Variants in STK17A observed in about 807,000 individuals in gnomAD.
STK17A encodes serine/threonine kinase 17a, also known as serine/threonine-protein kinase 17A.
In STK17A, 26 loss-of-function variants were observed where a neutral mutation model predicts 43.7. The observed-to-expected ratio is 0.60, with a 90% CI of 0.44 to 0.83. The LOEUF (loss-of-function observed/expected upper bound fraction) is 0.83. Among genes scored for constraint, STK17A ranks in the 40% least tolerant of loss-of-function variants. The pLI is 0.00. For synonymous variants in STK17A, 191 were observed against 182.5 expected (o/e 1.05, Z -0.38); for missense variants, 476 against 511.6 (o/e 0.93, Z 0.67).
chr7:43,625,849 A>G lies in STK17A; in HGVS notation c.*1007A>G, dbSNP rs1479168518. On this transcript the variant is annotated 3_prime_UTR_variant, in exon 7 of 7. Transcript: ENST00000319357. ...CCCTCAAGCTATGCTAGGAAAAGTT[A>G]TAAAATGCCAAAATATTTATAAACA... The G allele has an allele frequency of 6.6e-6, 1 of 152,192 alleles. No individual in the cohort carries two copies. Among genetic ancestry groups the G allele is most frequent in the Non-Finnish European group, 1.5e-5 (1 of 68,036 alleles). 9.4% of individuals were successfully genotyped at this position (152,192 alleles called of 1,614,324 possible). A position where few individuals can be genotyped will look rare whatever the true frequency, so the allele number is the denominator to read the frequency against.
At chr7:43,600,089 A>G (rs1306740185) in intron 2 of STK17A, among the ~76,000 whole-genome samples, 1 of 152,180 alleles carries the variant, frequency 6.6e-6, no homozygotes, top group African/African-American at 2.4e-5. Flanking sequence ...GACACGCCCA[A>G]AATAATACTT....
chr7:43,617,026 G>C (rs2083418010), intron 3 of STK17A, among the ~76,000 whole-genome samples: 1 of 152,180 alleles, frequency 6.6e-6, no homozygotes, highest in South Asian at 2.1e-4. Flanking sequence ...AGGCAAAGAA[G>C]AACAGAAAAA....
At chr7:43,623,507 C>T in intron 4 of STK17A, 65 bp from the exon 5 acceptor site, 3 of 1,403,300 alleles carry the variant, frequency 2.1e-6, no homozygotes, top group Non-Finnish European at 3.0e-6. Flanking sequence ...AGTTTTTTAT[C>T]TCTTAGAGCA....
At chr7:43,588,559 A>G (rs114482819) in intron 1 of STK17A, among the ~76,000 whole-genome samples, 2,116 of 151,614 alleles carry the variant, frequency 0.014, 53 homozygotes, top group African/African-American at 0.049. Context: ...GAACTTCTTT[A>G]CGTTTAAGAC....
At chr7:43,585,311 T>C (rs763852091) in intron 1 of STK17A, among the ~76,000 whole-genome samples, 1 of 142,620 alleles carries the variant, frequency 7.0e-6, no homozygotes, top group African/African-American at 2.5e-5. Flanking sequence ...AAGCACTGTC[T>C]TGGAGATGTT....
chr7:43,589,548 C>CA (rs2082465208), intron 1 of STK17A, among the ~76,000 whole-genome samples: 1 of 142,914 alleles, frequency 7.0e-6, no homozygotes, highest in Non-Finnish European at 1.6e-5. Context: ...TTCTCTTTAC[C>CA]AAAAAAGGCA....
chr7:43,585,431 C>T lies in STK17A; in HGVS notation c.206+1982C>T, dbSNP rs547377741. ...TCCATTATAAAATTAGCTTTCCGAT[C>T]AGGTTTTTTTTTAAGATTGTGATAT... On this transcript the variant is annotated intron_variant, in intron 1 of 6. Coordinates refer to ENST00000319357, the MANE Select transcript of STK17A (RefSeq NM_004760.3). Among the ~76,000 whole-genome samples the T allele has an allele frequency of 1.3e-4, 19 of 151,502 alleles. No individual in the cohort carries two copies. The East Asian group carries it at 3.5e-3, about 28-fold the overall frequency.
intron 1 of STK17A, among the ~76,000 whole-genome samples, chr7:43,590,842 C>T (rs2082474535): frequency 6.6e-6 from 1 of 151,328 alleles, no homozygotes; most frequent in Non-Finnish European, 1.5e-5. Flanking sequence ...ACAATTTTTA[C>T]CATAAAGTCA....
intron 2 of STK17A, among the ~76,000 whole-genome samples, chr7:43,599,094 T>C (rs1463402339): frequency 6.6e-6 from 1 of 152,206 alleles, no homozygotes; most frequent in East Asian, 1.9e-4. Flanking sequence ...AAAATCAACA[T>C]TGTGATAATA....
rs2084608315 is a variant in STK17A at position 43,626,879 on chromosome 7, CAT to C, written c.*2039_*2040del. 2 of 152,116 alleles carry C rather than the reference CAT, an allele frequency of 1.3e-5. No individual in the cohort carries two copies. The highest frequency in any genetic ancestry group is 1.3e-4 in the Admixed American group (2 of 15,262). 9.4% of individuals were successfully genotyped at this position (152,116 alleles called of 1,614,324 possible). ...CTGCTGTTGTGCTTAAATACTGAGT[CAT>C]AGGGTGCTTTTTTAAGAGGCCCTTC... is the stretch of plus-strand genomic sequence containing the variant. On this transcript the variant is annotated 3_prime_UTR_variant, in exon 7 of 7. Coordinates refer to ENST00000319357, the MANE Select transcript of STK17A (RefSeq NM_004760.3).
At chr7:43,611,772 G>A (rs1231331023) in intron 3 of STK17A, among the ~76,000 whole-genome samples, 1 of 152,168 alleles carries the variant, frequency 6.6e-6, no homozygotes, top group Non-Finnish European at 1.5e-5. Flanking sequence ...GCAAAATCGT[G>A]TATCTGTTTT....
chr7:43,618,776 C>T (rs148186716), intron 3 of STK17A, among the ~76,000 whole-genome samples: 140 of 152,282 alleles, frequency 9.2e-4, no homozygotes, highest in South Asian at 5.6e-3. Context: ...CTGGGGAGCT[C>T]TTTCCCATTA....
chr7:43,614,587 A>T (rs1303322210), intron 3 of STK17A, among the ~76,000 whole-genome samples: 1 of 152,234 alleles, frequency 6.6e-6, no homozygotes, highest in Non-Finnish European at 1.5e-5. Flanking sequence ...GTCTATTTTT[A>T]AAAATAGCCC....
intron 3 of STK17A, among the ~76,000 whole-genome samples, chr7:43,613,112 A>G (rs1411028899): frequency 6.6e-6 from 1 of 152,202 alleles, no homozygotes. Flanking sequence ...ATCTGGTCTT[A>G]AAATCTATTG....
chr7:43,603,066 C>A (rs982482238), intron 2 of STK17A, among the ~76,000 whole-genome samples: 1 of 152,112 alleles, frequency 6.6e-6, no homozygotes, highest in Admixed American at 6.6e-5. Flanking sequence ...CCAAGTCTTC[C>A]GCTTAAACCT....
chr7:43,605,372 T>C (rs2082581452), intron 2 of STK17A, among the ~76,000 whole-genome samples: 1 of 152,200 alleles, frequency 6.6e-6, no homozygotes, highest in Non-Finnish European at 1.5e-5. Context: ...AGCCTTGATA[T>C]AAAGGATGGC....
rs1187261614 is a variant in STK17A at position 43,596,127 on chromosome 7, T to G, written c.419+14T>G. 1.3e-6 allele frequency: 2 copies of G among 1,595,180 alleles called. No individual in the cohort carries two copies. The highest frequency in any genetic ancestry group is 1.7e-6 in the Non-Finnish European group (2 of 1,168,582). On this transcript the variant is annotated intron_variant, in intron 2 of 6. Coordinates refer to ENST00000319357, the MANE Select transcript of STK17A (RefSeq NM_004760.3). ...AGTTCTGGAATAGTAAGTATTGTCT[T>G]TCTTAGATTAAGTTTGTTTGGTAGT...
intron 3 of STK17A, 111 bp from the exon 4 acceptor site, chr7:43,619,484 ACT>A (rs2083652884): frequency 1.5e-6 from 2 of 1,294,362 alleles, no homozygotes; most frequent in Non-Finnish European, 2.1e-6. Context: ...ATGACTGTTT[ACT>A]GTTAAATTCC....
intron 2 of STK17A, among the ~76,000 whole-genome samples, 161 bp downstream of exon 2, chr7:43,596,274 A>G (rs1002533566): frequency 6.6e-6 from 1 of 152,222 alleles, no homozygotes; most frequent in Admixed American, 6.5e-5. Context: ...ACATGTTCCA[A>G]ATTTGCAAGG....
Sources: gnomAD v4.1 joint callset for allele counts (sites outside exome capture counted in the v4.1 genomes callset) on GRCh38, gnomAD v4.1.1 for gene constraint, MANE v1.5 for transcripts, NCBI Gene and HGNC (gene_info 2026-07-23, HGNC 2026-07-21) for gene names.